Variants in CYP2C8 observed in about 807,000 individuals in gnomAD.
The protein encoded by CYP2C8 is cytochrome P450 family 2 subfamily C member 8, also known as cytochrome P450 2C8.
A neutral mutation model predicts 41.3 loss-of-function variants in CYP2C8; 51 were observed. The ratio of observed to expected loss-of-function variants is 1.24; its 90% CI spans 0.99 to 1.56. The LOEUF (loss-of-function observed/expected upper bound fraction) is 1.56. CYP2C8 is among the 40% of genes most tolerant of loss of function. The pLI is 0.00. For missense variants in CYP2C8, 651 were observed against 579.9 expected (o/e 1.12, Z -1.26); for synonymous variants, 218 against 205.8 (o/e 1.06, Z -0.51).
intron 5 of CYP2C8, among the ~76,000 whole-genome samples, chr10:95,056,374 T>A (rs2033314866): frequency 6.6e-6 from 1 of 152,184 alleles, no homozygotes; most frequent in Non-Finnish European, 1.5e-5. Context: ...AATTACCATA[T>A]GACCCAGAAA....
In CYP2C8 at chr10:95,036,817, G is replaced by C. The variant is rs545237845; in HGVS notation, c.*311C>G. 2 of 362,406 alleles carry C rather than the reference G, an allele frequency of 5.5e-6. No homozygotes were observed. The highest frequency in any genetic ancestry group is 2.1e-5 in the African/African-American group (1 of 48,136). 22.4% of individuals were successfully genotyped at this position (362,406 alleles called of 1,614,324 possible). Reference sequence around the variant, plus strand: ...CTTTTTATTTAGCACATTCACAAAAGAAATGGATCTAAATTATCATTCATT... The same window carrying C: ...CTTTTTATTTAGCACATTCACAAAACAAATGGATCTAAATTATCATTCATT... On this transcript the variant is annotated 3_prime_UTR_variant, in exon 9 of 9. Transcript: ENST00000371270.
intron 4 of CYP2C8, among the ~76,000 whole-genome samples, chr10:95,062,564 A>G (rs1011642837): frequency 2.6e-5 from 4 of 152,174 alleles, no homozygotes; most frequent in African/African-American, 9.7e-5. Flanking sequence ...TCCTCAATAC[A>G]GCACACTGAT....
At chr10:95,066,151 A>AGTGTGTGT (rs1156290511) in intron 3 of CYP2C8, among the ~76,000 whole-genome samples, 21 of 82,782 alleles carry the variant, frequency 2.5e-4, no homozygotes, top group African/African-American at 8.3e-4. Flanking sequence ...AGAGAGAGAG[A>AGTGTGTGT]GAGTGTGTGT....
chr10:95,043,941 ATTC>A (rs1466852262), intron 6 of CYP2C8, among the ~76,000 whole-genome samples: 3 of 152,066 alleles, frequency 2.0e-5, no homozygotes, highest in African/African-American at 7.2e-5. Context: ...ACAATTTTCT[ATTC>A]TTCAAGTTAG....
intron 3 of CYP2C8, 90 bp from the exon 4 acceptor site, chr10:95,065,050 T>A (rs1015308176): frequency 1.7e-6 from 2 of 1,183,250 alleles, no homozygotes; most frequent in Non-Finnish European, 2.2e-6. Context: ...ATTTAGAAAT[T>A]TTAAACAATA....
At chr10:95,064,318 C>T (rs956615196) in intron 4 of CYP2C8, among the ~76,000 whole-genome samples, 6 of 152,176 alleles carry the variant, frequency 3.9e-5, no homozygotes, top group Non-Finnish European at 8.8e-5. Flanking sequence ...CTACTCAAGC[C>T]TCAGCAATGG....
chr10:95,056,488 A>G (rs966655068), intron 5 of CYP2C8, among the ~76,000 whole-genome samples: 2 of 152,228 alleles, frequency 1.3e-5, no homozygotes, highest in Non-Finnish European at 2.9e-5. Flanking sequence ...AAAAGGTGAA[A>G]ATAACACAAA....
At chr10:95,065,003 T>C (rs765930513) in intron 3 of CYP2C8, 43 bp from the exon 4 acceptor site, 1 of 1,362,520 alleles carries the variant, frequency 7.3e-7, no homozygotes, top group African/African-American at 1.5e-5. Flanking sequence ...AAAAAATAAA[T>C]ATTTAAAAGA....
chr10:95,045,384 A>T (rs1344673843), intron 6 of CYP2C8, among the ~76,000 whole-genome samples: 1 of 152,216 alleles, frequency 6.6e-6, no homozygotes, highest in Admixed American at 6.5e-5. Flanking sequence ...ACAATTCTAG[A>T]ATTTCCACTT....
chr10:95,064,683 C>T (rs2033520520), intron 4 of CYP2C8, 117 bp downstream of exon 4: 3 of 1,010,206 alleles, frequency 3.0e-6, no homozygotes, highest in Non-Finnish European at 4.4e-6. Flanking sequence ...TTTCTTCACT[C>T]ATACATCATT....
chr10:95,055,354 G>A (rs1054291659), intron 5 of CYP2C8, among the ~76,000 whole-genome samples: 1 of 151,818 alleles, frequency 6.6e-6, no homozygotes, highest in African/African-American at 2.4e-5. Context: ...TAAAGGAAGA[G>A]TTTCAAAAAA....
At chr10:95,047,472 A>G (rs1045675540) in intron 5 of CYP2C8, among the ~76,000 whole-genome samples, 2 of 152,218 alleles carry the variant, frequency 1.3e-5, no homozygotes, top group African/African-American at 4.8e-5. Flanking sequence ...TGTGTAAAAC[A>G]AATATGTCAA....
chr10:95,065,305 G>T (rs1036685975), intron 3 of CYP2C8, among the ~76,000 whole-genome samples: 2 of 152,176 alleles, frequency 1.3e-5, no homozygotes, highest in Non-Finnish European at 2.9e-5. Context: ...ATGTCTGTTT[G>T]CAAAGCCTCT....
At chr10:95,066,139 A>AGTGTGT (rs1407448310) in intron 3 of CYP2C8, among the ~76,000 whole-genome samples, 2 of 109,844 alleles carry the variant, frequency 1.8e-5, no homozygotes, top group African/African-American at 7.8e-5. Flanking sequence ...AGAGAGAGAG[A>AGTGTGT]GAGAGAGAGA....
In CYP2C8 at chr10:95,064,844, T is replaced by C; in HGVS notation, c.598A>G (p.Arg200Gly). The change falls in exon 4 of 9, where the codon AGA (arginine) becomes GGA (glycine). Residue 200 changes from arginine (R) to glycine (G), a missense_variant. Physicochemically the swap from Arg to Gly is moderately radical, Grantham distance 125 (BLOSUM62 -2). Transcript: ENST00000371270. ...AGAATCCTGAAGTTTTCATTGAATC[T>C]TTTCATCAGGGTGAGAAAATTCTGA... ...KDQNFLTLMKRFNENFRILNS... is the reference protein window; with the variant it reads ...KDQNFLTLMKGFNENFRILNS... The C allele has an allele frequency of 6.2e-7, 1 of 1,614,074 alleles. No homozygotes were observed. Among genetic ancestry groups the C allele is most frequent in the Non-Finnish European group, 8.5e-7 (1 of 1,179,966 alleles).
In CYP2C8 at chr10:95,038,845, C is replaced by G. The variant is rs200988637; in HGVS notation, c.1291+52G>C. ...GGTGCCATGTAAATTCCAACTAATTCCAAAAAGTTCTCTCTTTCCTTTAAA... is the reference window on the plus strand; with the variant it reads ...GGTGCCATGTAAATTCCAACTAATTGCAAAAAGTTCTCTCTTTCCTTTAAA... On this transcript the variant is annotated intron_variant, in intron 8 of 8. Coordinates refer to ENST00000371270, the MANE Select transcript of CYP2C8 (RefSeq NM_000770.3). 13 of 1,593,422 alleles carry G rather than the reference C, an allele frequency of 8.2e-6. No individual in the cohort carries two copies. The East Asian group carries it at 2.9e-4, about 36-fold the overall frequency.
In CYP2C8 at chr10:95,069,381, C is replaced by G; in HGVS notation, c.22G>C (p.Val8Leu). 2 of 1,614,118 alleles carry G rather than the reference C, an allele frequency of 1.2e-6. No individual in the cohort carries two copies. The highest frequency in any genetic ancestry group is 1.7e-6 in the Non-Finnish European group (2 of 1,179,998). The change falls in exon 1 of 9, where the codon GTG (valine) becomes CTG (leucine). Residue 8 changes from valine (V) to leucine (L), a missense_variant. Transcript: ENST00000371270. ...AGAAGCATAAAAGAGAGACACAGCA[C>G]CAGGACCACAAAAGGTTCCATTGAA... MEPFVVL[V>L]LCLSFMLLFS...
Position 95,069,347 on chromosome 10 carries a change from A to G in CYP2C8, c.56T>C (p.Leu19Pro). The change falls in exon 1 of 9, where the codon CTC becomes CCC. Residue 19 changes from leucine to proline, a missense_variant. Physicochemically the swap from Leu to Pro is moderately conservative, Grantham distance 98 (BLOSUM62 -3). Coordinates refer to ENST00000371270, the MANE Select transcript of CYP2C8 (RefSeq NM_000770.3). ...LCLSFMLLFS[L>P]WRQSCRRRKL... is the part of the protein sequence containing the mutation. ...CCTTCTCCTACAGCTCTGTCTCCAG[A>G]GTGAAAAGAGAAGCATAAAAGAGAG... 6.2e-7 allele frequency: 1 copy of G among 1,614,132 alleles called. No homozygotes were observed. Among genetic ancestry groups the G allele is most frequent in the South Asian group, 1.1e-5 (1 of 91,086 alleles).
chr10:95,067,476 T>A, intron 2 of CYP2C8, 53 bp downstream of exon 2: 1 of 1,613,296 alleles, frequency 6.2e-7, no homozygotes, highest in Non-Finnish European at 8.5e-7. Context: ...GGCTCTGTTT[T>A]CCATCCCCCT....
Sources: gnomAD v4.1 joint callset for allele counts (sites outside exome capture counted in the v4.1 genomes callset) on GRCh38, gnomAD v4.1.1 for gene constraint, MANE v1.5 for transcripts, NCBI Gene and HGNC (gene_info 2026-07-23, HGNC 2026-07-21) for gene names.